MS4A5: variants seen among roughly 807,000 people sequenced by gnomAD.
The protein encoded by MS4A5 is membrane-spanning 4-domains subfamily A member 5.
MS4A5 carries 15 observed loss-of-function variants against 18.2 expected under a neutral mutation model. The observed-to-expected ratio is 0.83, with a 90% confidence interval of 0.55 to 1.27. The LOEUF (loss-of-function observed/expected upper bound fraction) is 1.27. MS4A5 is among the 50% of genes most tolerant of loss of function. The pLI, the probability that MS4A5 is intolerant of heterozygous loss-of-function variation, is 0.00. For missense variants in MS4A5, 232 were observed against 225.7 expected, an observed-to-expected ratio of 1.03 and a Z score of -0.18; for synonymous variants, 89 against 78.7, an observed-to-expected ratio of 1.13 and a Z score of -0.69.
chr11:60,441,204 A>C, intron 4 of MS4A5, among the ~76,000 whole-genome samples: 1 of 132,920 alleles, frequency 7.5e-6, no homozygotes, highest in Non-Finnish European at 1.6e-5. Flanking sequence ...GCATATTCTC[A>C]CTCATAGGTG....
At chr11:60,447,564 C>T in intron 4 of MS4A5, 85 bp from the exon 5 acceptor site, 2 of 693,620 alleles carry the variant, frequency 2.9e-6, no homozygotes, top group Non-Finnish European at 4.8e-6. Flanking sequence ...ATTATCTGGG[C>T]ATCACTATGT....
intron 4 of MS4A5, among the ~76,000 whole-genome samples, chr11:60,442,088 G>T (rs1426626643): frequency 2.6e-5 from 4 of 152,106 alleles, no homozygotes; most frequent in Non-Finnish European, 4.4e-5. Flanking sequence ...TAAAATTACA[G>T]AATTTTGAAT....
chr11:60,430,018 A>C (rs1261667627), intron 1 of MS4A5, among the ~76,000 whole-genome samples, 191 bp downstream of exon 1: 6 of 152,206 alleles, frequency 3.9e-5, no homozygotes, highest in Admixed American at 2.0e-4. Flanking sequence ...TGGACTTGAC[A>C]AAAAATGCTA....
At chr11:60,447,307 GTGCTATGCTA>G (rs1198924754) in intron 4 of MS4A5, among the ~76,000 whole-genome samples, 38,004 of 139,436 alleles carry the variant, frequency 0.27, 5,316 homozygotes, top group Admixed American at 0.33. Context: ...ATCCTATGCT[GTGCTATGCTA>G]TGCTATGCTA....
At chr11:60,442,494 G>T (rs1009112094) in intron 4 of MS4A5, among the ~76,000 whole-genome samples, 6 of 152,132 alleles carry the variant, frequency 3.9e-5, no homozygotes, top group East Asian at 1.9e-4. Context: ...CTGTTGGGGG[G>T]TAGTGGGACA....
At chr11:60,437,670 CAAAG>C (rs1383274015) in intron 4 of MS4A5, among the ~76,000 whole-genome samples, 10 of 150,124 alleles carry the variant, frequency 6.7e-5, no homozygotes, top group South Asian at 2.1e-4. Context: ...TCAAAAGAGA[CAAAG>C]AAGGCCATTA....
At chr11:60,444,550 T>G (rs940549689) in intron 4 of MS4A5, among the ~76,000 whole-genome samples, 6 of 152,134 alleles carry the variant, frequency 3.9e-5, no homozygotes, top group Non-Finnish European at 8.8e-5. Flanking sequence ...ACATCCAGAA[T>G]ATATTAAGCA....
intron 4 of MS4A5, among the ~76,000 whole-genome samples, chr11:60,444,030 T>C (rs1301425455): frequency 1.3e-5 from 2 of 152,220 alleles, no homozygotes; most frequent in African/African-American, 4.8e-5. Context: ...AGGAGCAGAC[T>C]AATTTCTTCC....
At chr11:60,436,344 T>A (rs1337578693) in intron 4 of MS4A5, among the ~76,000 whole-genome samples, 3 of 138,810 alleles carry the variant, frequency 2.2e-5, no homozygotes, top group Admixed American at 7.5e-5. Context: ...ACAGAAAAAC[T>A]GGAAACTCTA....
Position 60,447,706 on chromosome 11 carries a change from T to A in MS4A5, c.550T>A (p.Phe184Ile), listed in dbSNP as rs1370362498. The change falls in exon 5 of 5, where the codon TTC (phenylalanine) becomes ATC (isoleucine). Residue 184 changes from phenylalanine (F) to isoleucine (I), a missense_variant. Phe to Ile is a conservative substitution (Grantham distance 21). Coordinates refer to ENST00000300190, the MANE Select transcript of MS4A5 (RefSeq NM_023945.3). ...SIIELFISLP[F>I]SILGCHSEDC... ...TATTGAATTATTCATTTCTCTGCCT[T>A]TCTCAATTTTGGGGTGCCACTCAGA... 1 of 1,601,546 alleles carries A rather than the reference T, an allele frequency of 6.2e-7. No individual in the cohort carries two copies. Among genetic ancestry groups the A allele is most frequent in the Non-Finnish European group, 8.5e-7 (1 of 1,177,048 alleles).
In MS4A5 at chr11:60,429,586, C is replaced by T. The variant is rs2086037140; in HGVS notation, c.-89C>T. ...CAAGACAAAGCAAACAATTCCAGTG[C>T]TCCAGGCAGCCTCAGCACAAGAAAA... On this transcript the variant is annotated 5_prime_UTR_variant, in exon 1 of 5. Transcript: ENST00000300190. 1 of 1,278,894 alleles carries T rather than the reference C, an allele frequency of 7.8e-7. No homozygotes were observed. The highest frequency in any genetic ancestry group is 1.1e-6 in the Non-Finnish European group (1 of 928,556). The allele number at this position is 1,278,894 out of a possible 1,614,324, so 79.2% of individuals were successfully genotyped here.
At chr11:60,443,577 T>C (rs1056537283) in intron 4 of MS4A5, among the ~76,000 whole-genome samples, 2 of 151,744 alleles carry the variant, frequency 1.3e-5, no homozygotes, top group Non-Finnish European at 2.9e-5. Context: ...AAAAATTAAA[T>C]TTAAAGAAAA....
intron 4 of MS4A5, among the ~76,000 whole-genome samples, chr11:60,445,328 C>T (rs546715212): frequency 5.3e-5 from 8 of 151,800 alleles, no homozygotes; most frequent in African/African-American, 1.2e-4. Flanking sequence ...GATGTCATCT[C>T]GGCTTACTGC....
intron 4 of MS4A5, among the ~76,000 whole-genome samples, chr11:60,444,291 T>C (rs183551576): frequency 3.3e-5 from 5 of 152,324 alleles, no homozygotes; most frequent in Admixed American, 6.5e-5. Context: ...AAGTACACAA[T>C]TGATTTCACA....
At chr11:60,430,004 G>A in intron 1 of MS4A5, among the ~76,000 whole-genome samples, 177 bp downstream of exon 1, 1 of 152,040 alleles carries the variant, frequency 6.6e-6, no homozygotes, top group African/African-American at 2.4e-5. Context: ...GAATCATGTG[G>A]GTCTGGACTT....
intron 4 of MS4A5, among the ~76,000 whole-genome samples, chr11:60,446,363 C>T (rs1188587599): frequency 6.6e-6 from 1 of 152,196 alleles, no homozygotes; most frequent in Admixed American, 6.5e-5. Flanking sequence ...CTCTGGGCTA[C>T]TGACAAGATG....
intron 4 of MS4A5, among the ~76,000 whole-genome samples, chr11:60,445,481 A>G (rs1463695953): frequency 6.6e-6 from 1 of 152,162 alleles, no homozygotes; most frequent in African/African-American, 2.4e-5. Flanking sequence ...GCTGGTCTCA[A>G]ACTCCTGAGC....
Position 60,433,832 on chromosome 11 carries a change from C to T in MS4A5, c.407C>T (p.Thr136Ile), listed in dbSNP as rs1436927718. The stretch of plus-strand genomic sequence containing the variant: ...GCAATAGCTGGAATCATTCTCCTCA[C>T]ATTTGGTTTCATCCTAGATCAAAAC... Reference protein sequence around the residue: ...LGAIAGIILLTFGFILDQNYI... With the variant: ...LGAIAGIILLIFGFILDQNYI... Residue 136 changes from threonine to isoleucine, a missense_variant, in exon 4 of 5, where the codon ACA (threonine) becomes ATA (isoleucine). Physicochemically the swap from Thr to Ile is moderately conservative, Grantham distance 89 (BLOSUM62 -1). Transcript: ENST00000300190. 4 of 1,613,696 alleles carry T rather than the reference C, an allele frequency of 2.5e-6. No homozygotes were observed. The African/African-American group carries it at 4.0e-5, about 16-fold the overall frequency.
intron 1 of MS4A5, among the ~76,000 whole-genome samples, chr11:60,430,195 C>T (rs1327396220): frequency 2.0e-5 from 3 of 152,076 alleles, no homozygotes. Context: ...TAGTCTTTCC[C>T]AGCACTTGTC....
Sources: gnomAD v4.1 joint callset for allele counts (sites outside exome capture counted in the v4.1 genomes callset) on GRCh38, gnomAD v4.1.1 for gene constraint, MANE v1.5 for transcripts, NCBI Gene and HGNC (gene_info 2026-07-23, HGNC 2026-07-21) for gene names.